The following CACNA2D3 variants were observed in gnomAD, a reference collection of about 807,000 sequenced individuals.
CACNA2D3 encodes calcium voltage-gated channel auxiliary subunit alpha2delta 3.
CACNA2D3 carries 60 observed loss-of-function variants against 160.6 expected under a neutral mutation model. The observed-to-expected ratio is 0.37, with a 90% confidence interval of 0.30 to 0.46. CACNA2D3 has a LOEUF of 0.46. Among genes scored for constraint, CACNA2D3 ranks in the 20% least tolerant of loss-of-function variants. The pLI, the probability that CACNA2D3 is intolerant of heterozygous loss-of-function variation, is 1.00. For synonymous variants in CACNA2D3, 558 were observed against 492.9 expected, an observed-to-expected ratio of 1.13 and a Z score of -1.75; for missense variants, 1,205 against 1,365.0, an observed-to-expected ratio of 0.88 and a Z score of 1.85.
At chr3:54,479,724 AG>A (rs1700902423) in intron 4 of CACNA2D3, among the ~76,000 whole-genome samples, 1 of 152,194 alleles carries the variant, frequency 6.6e-6, no homozygotes, top group Admixed American at 6.5e-5. Context: ...TTTACTATAC[AG>A]TTTCATGGAA....
intron 27 of CACNA2D3, among the ~76,000 whole-genome samples, chr3:54,955,973 A>G (rs957370314): frequency 6.6e-6 from 1 of 152,202 alleles, no homozygotes; most frequent in African/African-American, 2.4e-5. Flanking sequence ...TGACTCCCAC[A>G]TATTCTAAGG....
intron 25 of CACNA2D3, 145 bp from the exon 26 acceptor site, chr3:54,896,604 G>C (rs1447742827): frequency 2.3e-6 from 2 of 852,976 alleles, no homozygotes; most frequent in Admixed American, 4.0e-5. Context: ...ACAGTGTTAA[G>C]TGAGGCCCCC....
chr3:54,475,809 T>TGTGTG (rs138448154), intron 4 of CACNA2D3, among the ~76,000 whole-genome samples: 1 of 142,726 alleles, frequency 7.0e-6, no homozygotes, highest in African/African-American at 2.6e-5. Context: ...TGGTTACCAT[T>TGTGTG]TGTGTGTGTG....
At chr3:54,463,226 A>C (rs1057095441) in intron 4 of CACNA2D3, among the ~76,000 whole-genome samples, 1 of 151,386 alleles carries the variant, frequency 6.6e-6, no homozygotes, top group African/African-American at 2.4e-5. Context: ...CTTCATTTCA[A>C]CTTTGGTGAG....
intron 11 of CACNA2D3, among the ~76,000 whole-genome samples, chr3:54,726,692 G>A (rs1701283620): frequency 6.6e-6 from 1 of 152,114 alleles, no homozygotes; most frequent in Admixed American, 6.6e-5. Flanking sequence ...AAATGTTGTT[G>A]GTAAAACTGG....
chr3:54,710,815 T>G (rs1339501498), intron 11 of CACNA2D3, among the ~76,000 whole-genome samples: 2 of 152,210 alleles, frequency 1.3e-5, no homozygotes, highest in Non-Finnish European at 2.9e-5. Context: ...TTTAGAGACC[T>G]TACAACCATT....
At chr3:54,347,723 A>G (rs1179829266) in intron 3 of CACNA2D3, among the ~76,000 whole-genome samples, 3 of 151,702 alleles carry the variant, frequency 2.0e-5, no homozygotes, top group Middle Eastern at 3.5e-3. Flanking sequence ...TCCAATTGCC[A>G]GGGACCCCAT....
chr3:54,234,717 G>C (rs1701841938), intron 2 of CACNA2D3, among the ~76,000 whole-genome samples: 1 of 152,158 alleles, frequency 6.6e-6, no homozygotes, highest in Non-Finnish European at 1.5e-5. Context: ...AGGAACATGA[G>C]TGGAGCAGGA....
intron 2 of CACNA2D3, among the ~76,000 whole-genome samples, chr3:54,173,232 C>T (rs1700609454): frequency 6.6e-6 from 1 of 152,116 alleles, no homozygotes; most frequent in Admixed American, 6.5e-5. Context: ...ATCTTGGAAC[C>T]CTTTTTGTGC....
chr3:54,261,309 G>C (rs1337002455), intron 2 of CACNA2D3, among the ~76,000 whole-genome samples: 1 of 152,036 alleles, frequency 6.6e-6, no homozygotes, highest in East Asian at 1.9e-4. Context: ...CTCCACATCT[G>C]GTGTCCAGTT....
chr3:54,683,526 T>G (rs967670694), intron 11 of CACNA2D3, among the ~76,000 whole-genome samples: 1 of 152,106 alleles, frequency 6.6e-6, no homozygotes, highest in Non-Finnish European at 1.5e-5. Context: ...GACTATAAAA[T>G]GGAAATTACC....
intron 11 of CACNA2D3, among the ~76,000 whole-genome samples, chr3:54,747,789 C>T (rs917498360): frequency 6.6e-6 from 1 of 152,282 alleles, no homozygotes; most frequent in Non-Finnish European, 1.5e-5. Flanking sequence ...CTTGTTCCTT[C>T]TCCCCCACTC....
chr3:54,920,367 A>G (rs1700807047), intron 27 of CACNA2D3, among the ~76,000 whole-genome samples: 1 of 152,050 alleles, frequency 6.6e-6, no homozygotes. Context: ...GCAAAATTCA[A>G]CCCATGTCCT....
At chr3:54,185,544 G>A (rs545543641) in intron 2 of CACNA2D3, among the ~76,000 whole-genome samples, 1 of 152,246 alleles carries the variant, frequency 6.6e-6, no homozygotes, top group South Asian at 2.1e-4. Flanking sequence ...GTTAAATTAT[G>A]TTTATTCACG....
chr3:54,444,099 C>T (rs1700184927), intron 4 of CACNA2D3, among the ~76,000 whole-genome samples: 1 of 152,122 alleles, frequency 6.6e-6, no homozygotes, highest in African/African-American at 2.4e-5. Flanking sequence ...CCGCATTTCC[C>T]CCTTATCTAT....
intron 14 of CACNA2D3, among the ~76,000 whole-genome samples, chr3:54,832,979 C>G (rs969217581): frequency 6.6e-6 from 1 of 152,166 alleles, no homozygotes; most frequent in Admixed American, 6.5e-5. Context: ...CTGGTGCCAT[C>G]AGTGGGAAAC....
chr3:54,133,967 T>C (rs928141243), intron 2 of CACNA2D3, among the ~76,000 whole-genome samples: 1 of 152,230 alleles, frequency 6.6e-6, no homozygotes, highest in African/African-American at 2.4e-5. Flanking sequence ...TACGGAGGCA[T>C]GTGACGGTCT....
At position 54,537,655 on chromosome 3, in the gene CACNA2D3, C is replaced by T. The variant is rs747100738; in HGVS notation, c.545-25145C>T. On this transcript the variant is annotated intron_variant, in intron 5 of 37. Coordinates refer to ENST00000474759, the MANE Select transcript of CACNA2D3 (RefSeq NM_018398.3). ...AGAAGACATGGGATGCCACATTTTA[C>T]AGGGAATCAGAGGGTTCCTACCTGT... 3.9e-5 allele frequency among the ~76,000 whole-genome samples: 6 copies of T among 152,222 alleles called. No individual in the cohort carries two copies. The South Asian group carries it at 6.2e-4, about 16-fold the overall frequency.
intron 11 of CACNA2D3, among the ~76,000 whole-genome samples, chr3:54,724,871 GCAAA>G (rs1475018405): frequency 2.0e-5 from 3 of 152,076 alleles, no homozygotes; most frequent in Admixed American, 2.0e-4. Context: ...AGAAGCAACA[GCAAA>G]CAAATTCAAA....
Sources: allele counts gnomAD v4.1 joint callset (sites outside exome capture counted in the v4.1 genomes callset), GRCh38; gene constraint gnomAD v4.1.1; transcripts MANE v1.5; gene names NCBI Gene and HGNC (gene_info 2026-07-23, HGNC 2026-07-21).